SLC25A26: variants seen among roughly 807,000 people sequenced by gnomAD.
The protein encoded by SLC25A26 is mitochondrial S-adenosylmethionine carrier protein.
A neutral mutation model predicts 37.8 loss-of-function variants in SLC25A26; 36 were observed. The observed-to-expected ratio is 0.95, with a 90% CI of 0.73 to 1.26. The LOEUF is 1.26. Among genes scored for constraint, SLC25A26 ranks in the 50% most tolerant of loss-of-function variants. The pLI is 0.00. For missense variants in SLC25A26, 390 were observed against 331.1 expected (o/e 1.18, Z -1.38); for synonymous variants, 129 against 122.5 (o/e 1.05, Z -0.35).
At chr3:66,140,525 A>G (rs1180966129) in intron 1 of SLC25A26, among the ~76,000 whole-genome samples, 2 of 152,296 alleles carry the variant, frequency 1.3e-5, no homozygotes, top group South Asian at 2.1e-4. Flanking sequence ...ATTCACTAGA[A>G]CCTTCGAATG....
At chr3:66,170,804 T>TG (rs1559559149) in intron 1 of SLC25A26, among the ~76,000 whole-genome samples, 9 of 128,588 alleles carry the variant, frequency 7.0e-5, no homozygotes, top group Middle Eastern at 3.6e-3. Flanking sequence ...TTTTTTTTTT[T>TG]TTTTTTTTTT....
At chr3:66,269,734 C>T (rs774821540) in intron 5 of SLC25A26, among the ~76,000 whole-genome samples, 5 of 152,124 alleles carry the variant, frequency 3.3e-5, no homozygotes, top group Non-Finnish European at 5.9e-5. Context: ...AAAAAATAGT[C>T]CTAGCTCATA....
At chr3:66,230,677 C>T (rs1319961215) in intron 1 of SLC25A26, among the ~76,000 whole-genome samples, 3 of 151,384 alleles carry the variant, frequency 2.0e-5, no homozygotes, top group South Asian at 2.1e-4. Flanking sequence ...TGGTGGCTCA[C>T]GCCTGTAATC....
chr3:66,295,127 T>C (rs2074853705), intron 5 of SLC25A26, among the ~76,000 whole-genome samples: 1 of 152,046 alleles, frequency 6.6e-6, no homozygotes, highest in African/African-American at 2.4e-5. Flanking sequence ...ACTCAGAGGA[T>C]GTTAAACAGG....
chr3:66,281,018 A>T (rs987734607), intron 5 of SLC25A26, among the ~76,000 whole-genome samples: 1 of 152,184 alleles, frequency 6.6e-6, no homozygotes, highest in East Asian at 1.9e-4. Context: ...TCTACTCAGG[A>T]TACAAGTGAA....
At chr3:66,184,620 A>ACCTTGAGTTTACTATGTATTGCATGCTC (rs2070788205) in intron 1 of SLC25A26, among the ~76,000 whole-genome samples, 1 of 151,822 alleles carries the variant, frequency 6.6e-6, no homozygotes, top group South Asian at 2.1e-4. Flanking sequence ...TTACATGCTC[A>ACCTTGAGTTTACTATGTATTGCATGCTC]ACCAAATCCT....
At chr3:66,357,231 A>G (rs1440704775) in intron 6 of SLC25A26, among the ~76,000 whole-genome samples, 1 of 152,176 alleles carries the variant, frequency 6.6e-6, no homozygotes, top group Non-Finnish European at 1.5e-5. Context: ...CTGGGCAAAC[A>G]TAGCAAGATG....
At chr3:66,214,055 A>G (rs1422178649) in intron 1 of SLC25A26, among the ~76,000 whole-genome samples, 6 of 152,168 alleles carry the variant, frequency 3.9e-5, no homozygotes, top group Non-Finnish European at 8.8e-5. Context: ...TATGGTCTGG[A>G]TGTTTGTCCC....
At chr3:66,279,392 A>G (rs1469333402) in intron 5 of SLC25A26, among the ~76,000 whole-genome samples, 4 of 152,178 alleles carry the variant, frequency 2.6e-5, no homozygotes, top group Admixed American at 6.5e-5. Context: ...GGTTTTGCCA[A>G]CAGCTCTGCC....
chr3:66,213,427 G>A (rs1236715798), intron 1 of SLC25A26, among the ~76,000 whole-genome samples: 463 of 59,170 alleles, frequency 7.8e-3, no homozygotes, highest in East Asian at 0.015. Flanking sequence ...AAAAAAAAAA[G>A]CCTAGTAAAA....
chr3:66,326,616 A>T (rs1023049698), intron 5 of SLC25A26, among the ~76,000 whole-genome samples: 5 of 152,110 alleles, frequency 3.3e-5, no homozygotes, highest in Admixed American at 6.5e-5. Flanking sequence ...GGTTGGGTTC[A>T]CCTCCAGTTT....
chr3:66,314,772 T>TC (rs1192539194), intron 5 of SLC25A26, among the ~76,000 whole-genome samples: 100 of 151,628 alleles, frequency 6.6e-4, no homozygotes, highest in African/African-American at 2.3e-3. Flanking sequence ...TTTTTTTTTT[T>TC]AGTTATTTAT....
chr3:66,201,392 G>A (rs2071106976), intron 1 of SLC25A26, among the ~76,000 whole-genome samples: 1 of 151,956 alleles, frequency 6.6e-6, no homozygotes, highest in South Asian at 2.1e-4. Context: ...GAGTGCAGTG[G>A]TGCAATAACA....
chr3:66,246,338 A>C (rs543938275), intron 3 of SLC25A26, among the ~76,000 whole-genome samples: 7 of 152,318 alleles, frequency 4.6e-5, no homozygotes, highest in South Asian at 2.1e-4. Flanking sequence ...GTTGAAGGGC[A>C]GGCTTTCCTC....
At chr3:66,310,562 T>A (rs1438789380) in intron 5 of SLC25A26, among the ~76,000 whole-genome samples, 1 of 152,208 alleles carries the variant, frequency 6.6e-6, no homozygotes, top group Non-Finnish European at 1.5e-5. Flanking sequence ...ATTTTGCACA[T>A]TAGTTGATGC....
intron 1 of SLC25A26, among the ~76,000 whole-genome samples, chr3:66,184,095 C>T (rs933689963): frequency 7.9e-5 from 12 of 152,176 alleles, no homozygotes; most frequent in Non-Finnish European, 1.5e-4. Flanking sequence ...CCCTGCTCCA[C>T]ACCCTCCCCG....
chr3:66,221,965 G>T (rs528774179), intron 1 of SLC25A26, among the ~76,000 whole-genome samples: 1 of 152,062 alleles, frequency 6.6e-6, no homozygotes, highest in Admixed American at 6.6e-5. Context: ...GGATAACATG[G>T]TGAACAAGAT....
At chr3:66,296,777 A>G (rs925255651) in intron 5 of SLC25A26, among the ~76,000 whole-genome samples, 3 of 152,236 alleles carry the variant, frequency 2.0e-5, no homozygotes, top group African/African-American at 7.2e-5. Flanking sequence ...CTTAACCATA[A>G]TTTTAGTACT....
intron 3 of SLC25A26, among the ~76,000 whole-genome samples, chr3:66,249,595 G>A (rs1035897405): frequency 6.6e-6 from 1 of 152,206 alleles, no homozygotes; most frequent in African/African-American, 2.4e-5. Context: ...CAAGATAATA[G>A]AAGAAAGGTT....
Sources: allele counts gnomAD v4.1 joint callset (sites outside exome capture counted in the v4.1 genomes callset), GRCh38; gene constraint gnomAD v4.1.1; transcripts MANE v1.5; gene names NCBI Gene and HGNC (gene_info 2026-07-23, HGNC 2026-07-21).